The following CAPN2 variants were observed in gnomAD, a reference collection of about 807,000 sequenced individuals.
The protein encoded by CAPN2 is calpain 2.
Under a neutral mutation model 102.3 loss-of-function variants are expected in CAPN2, and 92 were observed. The observed-to-expected ratio is 0.90, with a 90% CI of 0.76 to 1.07. CAPN2 has a LOEUF of 1.07. CAPN2 is among the 50% of genes least tolerant of loss of function. The pLI is 0.00. For synonymous variants in CAPN2, 340 were observed against 355.4 expected (o/e 0.96, Z 0.49); for missense variants, 800 against 909.4 (o/e 0.88, Z 1.55).
intron 7 of CAPN2, 116 bp from the exon 8 acceptor site, chr1:223,751,881 C>T (rs1660909334): frequency 1.4e-6 from 1 of 691,414 alleles, no homozygotes; most frequent in Non-Finnish European, 2.6e-6. Context: ...CTACTTTCCC[C>T]CTTTCTGGAG....
rs745387210 is a variant in CAPN2 at position 223,766,363 on chromosome 1, T to C, written c.1691-4T>C. ...TTTCCTGTCACACTGATTTTGTCTT[T>C]TAGGCCAAGATATCAAGTCAGATGG... On this transcript the variant is annotated splice_polypyrimidine_tract_variant and splice_region_variant and intron_variant, in intron 15 of 20. Coordinates refer to ENST00000295006, the MANE Select transcript of CAPN2 (RefSeq NM_001748.5). 4.3e-6 allele frequency: 7 copies of C among 1,612,604 alleles called. No individual in the cohort carries two copies. The highest frequency in any genetic ancestry group is 1.6e-4 in the Middle Eastern group (1 of 6,082).
intron 2 of CAPN2, among the ~76,000 whole-genome samples, chr1:223,719,275 A>G (rs11579787): frequency 0.12 from 17,840 of 152,114 alleles, 1,588 homozygotes; most frequent in African/African-American, 0.21. Flanking sequence ...AGTGGCTCAC[A>G]TCTGTAATCC....
At chr1:223,718,128 C>G (rs1659931846) in intron 2 of CAPN2, among the ~76,000 whole-genome samples, 1 of 152,226 alleles carries the variant, frequency 6.6e-6, no homozygotes, top group African/African-American at 2.4e-5. Context: ...CCTTGGTATG[C>G]ACCTCCTGGA....
chr1:223,750,749 C>A, intron 6 of CAPN2, 141 bp from the exon 7 acceptor site: 1 of 717,856 alleles, frequency 1.4e-6, no homozygotes, highest in Non-Finnish European at 2.5e-6. Context: ...CTCCCTCATA[C>A]ATGGACTCAA....
exon 1 of CAPN2, chr1:223,701,781 G>A (rs749511596): frequency 1.3e-5 from 2 of 151,976 alleles, no homozygotes; most frequent in Non-Finnish European, 2.9e-5. Context: ...GGGAGGCCGA[G>A]GCAGACAGAT....
chr1:223,772,147 TCACTTGTGA>T (rs1325939387), intron 19 of CAPN2, 25 bp from the exon 20 acceptor site: 1 of 1,601,042 alleles, frequency 6.2e-7, no homozygotes, highest in Non-Finnish European at 8.6e-7. Flanking sequence ...TTCAGCTCAC[TCACTTGTGA>T]CACCCTCTTT....
At position 223,712,860 on chromosome 1, in the gene CAPN2, G is replaced by T; in HGVS notation, c.220G>T (p.Glu74Ter). The part of the protein sequence containing the change: ...GPYSSKTRGI[E>*]WKRPTEICAD... ...CTACTCCAGCAAAACCCGGGGCATC[G>T]AGTGGAAGCGCCCCACGGTAGGAAG... The change falls in exon 1 of 21, where the codon GAG becomes TAG. Residue 74 changes from glutamate to a stop codon, truncating the protein, a stop_gained. Transcript: ENST00000295006. LOFTEE classifies it high-confidence loss of function. 6.5e-7 allele frequency: 1 copy of T among 1,542,202 alleles called. No homozygotes were observed. The highest frequency in any genetic ancestry group is 8.7e-7 in the Non-Finnish European group (1 of 1,145,984).
intron 2 of CAPN2, among the ~76,000 whole-genome samples, chr1:223,729,390 T>C (rs1360051280): frequency 6.6e-6 from 1 of 152,216 alleles, no homozygotes; most frequent in Non-Finnish European, 1.5e-5. Context: ...GGCTAAGCTA[T>C]GGTGTTAGGC....
Position 223,759,419 on chromosome 1 carries a change from C to T in CAPN2, c.1467C>T (p.Phe489=), listed in dbSNP as rs1661130098. The T allele has an allele frequency of 5.6e-6, 9 of 1,614,176 alleles. No homozygotes were observed. The highest frequency in any genetic ancestry group is 1.1e-5 in the South Asian group (1 of 91,074). ...PGEYILVPST[F]EPNKDGDFCI... ...AGTACATTCTCGTGCCTTCCACCTT[C>T]GAACCCAACAAGGATGGGGATTTCT... The change falls in exon 12 of 21, where the codon TTC becomes TTT. Residue 489 remains phenylalanine, a synonymous_variant. Transcript: ENST00000295006. The surrounding 1 kb of genome is among the most constrained non-coding windows in gnomAD (Gnocchi z 4.6).
chr1:223,712,100 T>C (rs1659744221), upstream of CAPN2, among the ~76,000 whole-genome samples: 1 of 152,210 alleles, frequency 6.6e-6, no homozygotes, highest in Non-Finnish European at 1.5e-5. Flanking sequence ...AGCGCCTTCT[T>C]CAGAGTCGCT....
intron 20 of CAPN2, 38 bp from the exon 21 acceptor site, chr1:223,774,796 T>G (rs546215963): frequency 6.2e-7 from 1 of 1,602,736 alleles, no homozygotes; most frequent in South Asian, 1.1e-5. Flanking sequence ...ATTTTAAAAG[T>G]GGTCACTGAG....
In CAPN2 at chr1:223,769,891, G is replaced by A. The variant is rs886910601; in HGVS notation, c.1806G>A (p.Thr602=). ...TGAAGGAGTTCTACATTCTCTGGAC[G>A]AAGATTCAAAAATACCAAGTAAGAT... ...LGLKEFYILW[T]KIQKYQKIYR... The change falls in exon 17 of 21, where the codon ACG becomes ACA. Residue 602 remains threonine (T), a synonymous_variant. Coordinates refer to ENST00000295006, the MANE Select transcript of CAPN2 (RefSeq NM_001748.5). The A allele has an allele frequency of 1.6e-5, 26 of 1,604,790 alleles. No individual in the cohort carries two copies. The highest frequency in any genetic ancestry group is 4.0e-5 in the African/African-American group (3 of 74,754).
chr1:223,738,363 A>G (rs1038687111), intron 2 of CAPN2, among the ~76,000 whole-genome samples: 8 of 152,218 alleles, frequency 5.3e-5, no homozygotes, highest in Non-Finnish European at 1.5e-5. Flanking sequence ...AGGGTCTCAC[A>G]GTATAGTGAG....
At chr1:223,745,877 A>G (rs3767718) in intron 4 of CAPN2, among the ~76,000 whole-genome samples, 35,909 of 152,194 alleles carry the variant, frequency 0.24, 7,235 homozygotes, top group African/African-American at 0.55. Flanking sequence ...AAAAAGCAGA[A>G]TTTTTGCCAA....
rs1275246028 is a variant in CAPN2, at chr1:223,755,858, C to G, written c.1305+209C>G. Among the ~76,000 whole-genome samples the G allele has an allele frequency of 6.6e-6, 1 of 152,230 alleles. No individual in the cohort carries two copies. Among genetic ancestry groups the G allele is most frequent in the Non-Finnish European group, 1.5e-5 (1 of 68,042 alleles). ...GCTCTGGGTTGTGGGGCCTTCTAAG[C>G]CCTTCACGGGCCCCCCACAGCCAGC... is the stretch of plus-strand genomic sequence containing the variant. On this transcript the variant is annotated intron_variant, in intron 10 of 20. Coordinates refer to ENST00000295006, the MANE Select transcript of CAPN2 (RefSeq NM_001748.5). The surrounding 1 kb of genome is among the most constrained non-coding windows in gnomAD (Gnocchi z 4.1).
intron 2 of CAPN2, among the ~76,000 whole-genome samples, chr1:223,721,709 A>G (rs1022838161): frequency 1.1e-4 from 16 of 152,218 alleles, no homozygotes; most frequent in African/African-American, 3.4e-4. Flanking sequence ...GGGAAGGGAC[A>G]AGACCAATGG....
chr1:223,723,578 G>T (rs972022811), intron 2 of CAPN2, among the ~76,000 whole-genome samples: 1 of 151,902 alleles, frequency 6.6e-6, no homozygotes, highest in Non-Finnish European at 1.5e-5. Flanking sequence ...TGTGGCTGCC[G>T]TCCACACTCC....
In CAPN2 at chr1:223,712,618, A is replaced by G. The variant is rs936589956; in HGVS notation, c.-23A>G. The stretch of plus-strand genomic sequence containing the variant: ...GAGTCGCCCCGACCTTTCTCTGCGC[A>G]GTACGGCCGCCGGGACCGCAGCATG... On this transcript the variant is annotated 5_prime_UTR_variant, in exon 1 of 21. Transcript: ENST00000295006. 10 of 1,506,234 alleles carry G rather than the reference A, an allele frequency of 6.6e-6. No homozygotes were observed. In the African/African-American group the frequency reaches 1.3e-4, roughly 20 times the overall value. The allele number at this position is 1,506,234 out of a possible 1,614,324, so 93.3% of individuals were successfully genotyped here.
At chr1:223,768,528 G>C (rs1274956678) in intron 16 of CAPN2, among the ~76,000 whole-genome samples, 2 of 152,178 alleles carry the variant, frequency 1.3e-5, no homozygotes, top group African/African-American at 2.4e-5. Flanking sequence ...TGAGGGCTCT[G>C]TTCTGTTCCA....
Sources: allele counts gnomAD v4.1 joint callset (sites outside exome capture counted in the v4.1 genomes callset), GRCh38; gene constraint gnomAD v4.1.1; non-coding constraint Gnocchi (gnomAD v3.1); transcripts MANE v1.5; gene names NCBI Gene and HGNC (gene_info 2026-07-23, HGNC 2026-07-21).